Variants in COL12A1 observed in about 807,000 individuals in gnomAD.
COL12A1 encodes the protein collagen alpha-1(XII) chain.
Under a neutral mutation model 349.7 loss-of-function variants are expected in COL12A1, and 114 were observed. The ratio of observed to expected loss-of-function variants is 0.33; its 90% CI spans 0.28 to 0.38. The LOEUF (loss-of-function observed/expected upper bound fraction) is 0.38, where lower values mean the gene tolerates loss of function less well. Among genes scored for constraint, COL12A1 ranks in the 10% least tolerant of loss-of-function variants. The pLI is 1.00. For synonymous variants in COL12A1, 1,369 were observed against 1,329.0 expected (o/e 1.03, Z -0.66); for missense variants, 3,284 against 3,756.9 (o/e 0.87, Z 3.29).
Position 75,087,615 on chromosome 6 carries a change from T to G in COL12A1, c.9143A>C (p.Gln3048Pro), listed in dbSNP as rs779895718. The G allele has an allele frequency of 5.0e-6, 8 of 1,613,760 alleles. No individual in the cohort carries two copies. The East Asian group carries it at 8.9e-5, about 18-fold the overall frequency. The change falls in exon 65 of 66, where the codon CAG (glutamine) becomes CCG (proline). Residue 3048 changes from glutamine to proline, a missense_variant. Physicochemically the swap from Gln to Pro is moderately conservative, Grantham distance 76. Coordinates refer to ENST00000322507, the MANE Select transcript of COL12A1 (RefSeq NM_004370.6). ...CCCGTTGTATGGGATGCTGGCACAC[T>G]GAGAAGAATCACAGTATCCAGGAGG... ...PGPPGYCDSS[Q>P]CASIPYNGQG...
chr6:75,134,915 T>C, intron 31 of COL12A1, 60 bp from the exon 32 acceptor site: 1 of 1,540,460 alleles, frequency 6.5e-7, no homozygotes, highest in Non-Finnish European at 8.8e-7. Flanking sequence ...ACTAATCTGT[T>C]AGAAAAAGCT....
intron 14 of COL12A1, among the ~76,000 whole-genome samples, chr6:75,161,468 G>T (rs1303436600): frequency 6.6e-6 from 1 of 152,052 alleles, no homozygotes; most frequent in South Asian, 2.1e-4. Flanking sequence ...AATATGGAGG[G>T]CCAATCGTAA....
At chr6:75,199,575 A>T (rs1770417481) in intron 2 of COL12A1, among the ~76,000 whole-genome samples, 1 of 152,220 alleles carries the variant, frequency 6.6e-6, no homozygotes, top group Non-Finnish European at 1.5e-5. Context: ...CCCAGTTCTC[A>T]GGGAATACTG....
In COL12A1 at chr6:75,095,378, G is replaced by A. The variant is rs185522166; in HGVS notation, c.8578-199C>T. ...CACGCCTGTAATCCCAGCACTTTGG[G>A]AGGCCGAGGCGGGTGGATCATGAGG... is the stretch of plus-strand genomic sequence containing the variant. On this transcript the variant is annotated intron_variant, in intron 59 of 65. Coordinates refer to ENST00000322507, the MANE Select transcript of COL12A1 (RefSeq NM_004370.6). Among the ~76,000 whole-genome samples the A allele has an allele frequency of 9.7e-4, 147 of 152,290 alleles. 3 individuals are homozygous for A. The East Asian group carries it at 0.027, about 28-fold the overall frequency.
At position 75,116,037 on chromosome 6, in the gene COL12A1, C is replaced by T. The variant is rs1290017453; in HGVS notation, c.7540G>A (p.Asp2514Asn). ...TGCTTACCTGGTGAGGTGTAGCCAT[C>T]CAAATAAATGAGAGGACAACCTGCA... ...ATSSCPLIYL[D>N]GYTSPGFKML... The change falls in exon 48 of 66, where the codon GAT (aspartate) becomes AAT (asparagine). Residue 2514 changes from aspartate (D) to asparagine (N), a missense_variant. By Grantham distance (23) the Asp-to-Asn change is conservative (BLOSUM62 1). Coordinates refer to ENST00000322507, the MANE Select transcript of COL12A1 (RefSeq NM_004370.6). The T allele has an allele frequency of 1.9e-6, 3 of 1,613,268 alleles. No individual in the cohort carries two copies. Among genetic ancestry groups the T allele is most frequent in the Non-Finnish European group, 2.5e-6 (3 of 1,179,534 alleles).
rs180961776 is a variant in COL12A1 at position 75,138,545 on chromosome 6, G to A, written c.5133C>T (p.Phe1711=). 1.1e-4 allele frequency: 181 copies of A among 1,613,938 alleles called. 2 individuals carry two copies. In the East Asian group the frequency reaches 1.9e-3, roughly 17 times the overall value. ...AGATGGTGTTGGGGTTCAGGTTTTCGAACACCAAAGTGTTTTCATCTCCAT... is the reference window on the plus strand; with the variant it reads ...AGATGGTGTTGGGGTTCAGGTTTTCAAACACCAAAGTGTTTTCATCTCCAT... ...ILNGDENTLV[F]ENLNPNTIYE... Residue 1711 remains phenylalanine, a synonymous_variant, in exon 29 of 66, where the codon TTC becomes TTT. Transcript: ENST00000322507.
At position 75,086,453 on chromosome 6, in the gene COL12A1, G is replaced by A. The variant is rs368391100; in HGVS notation, c.*94C>T. 6.0e-6 allele frequency: 7 copies of A among 1,170,998 alleles called. No homozygotes were observed. The highest frequency in any genetic ancestry group is 8.6e-6 in the Non-Finnish European group (7 of 815,046). The allele number at this position is 1,170,998 out of a possible 1,614,324, so 72.5% of individuals were successfully genotyped here. A position where few individuals can be genotyped will look rare whatever the true frequency, so the allele number is the denominator to read the frequency against. ...TTATCTGTGGTGAGATTTCCATACAGACTCATTTCCTAATAAGCACGTGCG... is the reference window on the plus strand; with the variant it reads ...TTATCTGTGGTGAGATTTCCATACAAACTCATTTCCTAATAAGCACGTGCG... On this transcript the variant is annotated 3_prime_UTR_variant, in exon 66 of 66. Coordinates refer to ENST00000322507, the MANE Select transcript of COL12A1 (RefSeq NM_004370.6).
rs779185109 is a variant in COL12A1, at chr6:75,181,218, A to T, written c.1892-7T>A. On this transcript the variant is annotated splice_region_variant and splice_polypyrimidine_tract_variant and intron_variant, in intron 10 of 65. Coordinates refer to ENST00000322507, the MANE Select transcript of COL12A1 (RefSeq NM_004370.6). ...TCCTTTGGAGGGACGTAAGCTATTT[A>T]AAAAAAAAAAAAGACAGTTAAAAAT... 9 of 1,020,204 alleles carry T rather than the reference A, an allele frequency of 8.8e-6. No individual in the cohort carries two copies. The African/African-American group carries it at 2.2e-4, about 25-fold the overall frequency. 63.2% of individuals were successfully genotyped at this position (1,020,204 alleles called of 1,614,324 possible). A position where few individuals can be genotyped will look rare whatever the true frequency, so the allele number is the denominator to read the frequency against.
In COL12A1 at chr6:75,189,344, C is replaced by T. The variant is rs267601124; in HGVS notation, c.696G>A (p.Thr232=). The T allele has an allele frequency of 3.1e-6, 5 of 1,612,822 alleles. No homozygotes were observed. Among genetic ancestry groups the T allele is most frequent in the South Asian group, 2.2e-5 (2 of 91,002 alleles). Residue 232 remains threonine, a synonymous_variant, in exon 7 of 66, where the codon ACG becomes ACA. Coordinates refer to ENST00000322507, the MANE Select transcript of COL12A1 (RefSeq NM_004370.6). ...AGCCAACTCTTGCCCCAGCAGATTCCGTGAAAGTATTTTTAACTAAATAAT... is the reference window on the plus strand; with the variant it reads ...AGCCAACTCTTGCCCCAGCAGATTCTGTGAAAGTATTTTTAACTAAATAAT... ...AIDYLVKNTF[T]ESAGARVGFP... is the part of the protein sequence containing the mutation.
chr6:75,152,770 A>G (rs886928039), intron 17 of COL12A1, among the ~76,000 whole-genome samples: 1 of 152,190 alleles, frequency 6.6e-6, no homozygotes, highest in African/African-American at 2.4e-5. Context: ...GGAGACTTGA[A>G]TTAAGCCATT....
chr6:75,181,229 A>AG lies in COL12A1; in HGVS notation c.1892-19_1892-18insC, dbSNP rs1769270569. 3.2e-6 allele frequency: 5 copies of AG among 1,572,662 alleles called. No individual in the cohort carries two copies. Among genetic ancestry groups the AG allele is most frequent in the Non-Finnish European group, 4.3e-6 (5 of 1,163,712 alleles). On this transcript the variant is annotated intron_variant, in intron 10 of 65. Transcript: ENST00000322507. Reference sequence around the variant, plus strand: ...GACGTAAGCTATTTAAAAAAAAAAAAAGACAGTTAAAAATGCTTGAATCTA... The same window carrying AG: ...GACGTAAGCTATTTAAAAAAAAAAAAGAGACAGTTAAAAATGCTTGAATCTA...
chr6:75,137,748 C>CT (rs2149394672), intron 30 of COL12A1, among the ~76,000 whole-genome samples, 169 bp from the exon 31 acceptor site: 1 of 152,176 alleles, frequency 6.6e-6, no homozygotes, highest in Non-Finnish European at 1.5e-5. Context: ...TTAGTATGGA[C>CT]TTTCATTTTG....
At chr6:75,138,686 T>C (rs1386146489) in intron 28 of COL12A1, 106 bp from the exon 29 acceptor site, 4 of 1,557,996 alleles carry the variant, frequency 2.6e-6, no homozygotes, top group Non-Finnish European at 3.5e-6. Flanking sequence ...ATGTTCCTCC[T>C]GCTCTGATGC....
intron 2 of COL12A1, among the ~76,000 whole-genome samples, chr6:75,197,028 A>G (rs957850963): frequency 3.3e-5 from 5 of 152,204 alleles, no homozygotes; most frequent in African/African-American, 1.2e-4. Flanking sequence ...CCGCATGGGT[A>G]CAACAGAGAG....
At chr6:75,167,166 C>T (rs1403014253) in intron 13 of COL12A1, among the ~76,000 whole-genome samples, 4 of 152,066 alleles carry the variant, frequency 2.6e-5, no homozygotes, top group African/African-American at 9.7e-5. Flanking sequence ...TTTCTATTTT[C>T]TCTACTTGGA....
chr6:75,121,473 A>T (rs753004076), intron 43 of COL12A1, 32 bp from the exon 44 acceptor site: 22 of 1,492,892 alleles, frequency 1.5e-5, no homozygotes, highest in Non-Finnish European at 2.0e-5. Context: ...GAAGCCCCAA[A>T]TCTCATGAAT....
intron 2 of COL12A1, among the ~76,000 whole-genome samples, chr6:75,199,105 A>T (rs1770389395): frequency 6.6e-6 from 1 of 152,216 alleles, no homozygotes; most frequent in Non-Finnish European, 1.5e-5. Context: ...TTTTGTACAC[A>T]TTACAAAACA....
chr6:75,089,062 C>T (rs768754840), intron 64 of COL12A1, 44 bp downstream of exon 64: 2 of 1,362,928 alleles, frequency 1.5e-6, no homozygotes, highest in East Asian at 2.3e-5. Context: ...TGTGCCCTCT[C>T]GGTATTTATA....
rs538355696 is a variant in COL12A1 at position 75,203,532 on chromosome 6, T to A, written c.-35-705A>T. ...CTTGTCTGTTTTTCCAACGTGTTTT[T>A]AAATAAAAATTATCAATAATAATCT... On this transcript the variant is annotated intron_variant, in intron 1 of 65. Coordinates refer to ENST00000322507, the MANE Select transcript of COL12A1 (RefSeq NM_004370.6). Among the ~76,000 whole-genome samples the A allele has an allele frequency of 7.9e-5, 12 of 152,370 alleles. No individual in the cohort carries two copies. The South Asian group carries it at 2.5e-3, about 32-fold the overall frequency.
Sources: gnomAD v4.1 joint callset for allele counts (sites outside exome capture counted in the v4.1 genomes callset) on GRCh38, gnomAD v4.1.1 for gene constraint, MANE v1.5 for transcripts, NCBI Gene and HGNC (gene_info 2026-07-23, HGNC 2026-07-21) for gene names.